The following SPAST variants were observed in gnomAD, a reference collection of about 807,000 sequenced individuals.
SPAST encodes the protein spastin.
Under a neutral mutation model 76.6 loss-of-function variants are expected in SPAST, and 30 were observed. That is an observed-to-expected ratio of 0.39 (90% CI 0.29 to 0.53). The LOEUF is 0.53. Among genes scored for constraint, SPAST ranks in the 20% least tolerant of loss-of-function variants. The pLI is 0.68. For missense variants in SPAST, 717 were observed against 770.5 expected (o/e 0.93, Z 0.82); for synonymous variants, 305 against 281.0 (o/e 1.09, Z -0.86).
chr2:32,125,092 TA>T (rs1679146147), intron 7 of SPAST, among the ~76,000 whole-genome samples: 1 of 152,180 alleles, frequency 6.6e-6, no homozygotes, highest in African/African-American at 2.4e-5. Flanking sequence ...TGTACTACAC[TA>T]ATACAAGATA....
intron 1 of SPAST, among the ~76,000 whole-genome samples, chr2:32,068,009 C>T (rs1176148060): frequency 6.8e-6 from 1 of 148,096 alleles, no homozygotes; most frequent in East Asian, 2.0e-4. Context: ...GACAGAGCCT[C>T]GCTTTGTCGC....
intron 9 of SPAST, among the ~76,000 whole-genome samples, chr2:32,131,423 CG>C (rs1349145316): frequency 6.6e-6 from 1 of 152,152 alleles, no homozygotes; most frequent in Non-Finnish European, 1.5e-5. Context: ...GGTCTCCATG[CG>C]GGCAGAGACT....
intron 2 of SPAST, among the ~76,000 whole-genome samples, chr2:32,089,224 G>A (rs1257051959): frequency 1.4e-5 from 1 of 71,434 alleles, no homozygotes; most frequent in Admixed American, 1.4e-4. Context: ...TTTTTAAGTA[G>A]AGACCAGATC....
intron 16 of SPAST, 66 bp from the exon 17 acceptor site, chr2:32,154,308 A>T (rs1489215193): frequency 1.4e-6 from 2 of 1,388,920 alleles, no homozygotes; most frequent in South Asian, 1.2e-5. Context: ...ACTTTAATCC[A>T]TCATTTCGTT....
At chr2:32,106,291 G>A (rs188253597) in intron 4 of SPAST, among the ~76,000 whole-genome samples, 202 of 152,324 alleles carry the variant, frequency 1.3e-3, no homozygotes, top group Non-Finnish European at 2.2e-3. Context: ...CTGGTGTGCC[G>A]TTTGCTAAGA....
At chr2:32,114,994 G>T (rs955488796) in intron 5 of SPAST, among the ~76,000 whole-genome samples, 169 bp downstream of exon 5, 1 of 146,202 alleles carries the variant, frequency 6.8e-6, no homozygotes, top group Non-Finnish European at 1.5e-5. Flanking sequence ...TGTTTTCCAG[G>T]CTGGAGTGCA....
At chr2:32,151,632 G>A (rs556672899) in intron 16 of SPAST, among the ~76,000 whole-genome samples, 5 of 152,090 alleles carry the variant, frequency 3.3e-5, no homozygotes, top group Admixed American at 6.6e-5. Flanking sequence ...CAACTTGGTC[G>A]CACACAGTGG....
chr2:32,110,116 TG>T (rs1380842767), intron 4 of SPAST, among the ~76,000 whole-genome samples: 41 of 144,796 alleles, frequency 2.8e-4, no homozygotes, highest in Non-Finnish European at 2.3e-4. Flanking sequence ...TTTTTTTTTT[TG>T]TTTTTTTTGT....
rs1179315140 is a variant in SPAST at position 32,063,635 on chromosome 2, G to A, written c.-197G>A. On this transcript the variant is annotated 5_prime_UTR_variant, in exon 1 of 17. Transcript: ENST00000315285. ...GGGCCCGAGCCACCGACTGCAGGAG[G>A]AGAAGGGGTTGTGCTCCTGGCCGAG... The A allele has an allele frequency of 3.1e-6, 2 of 643,174 alleles. No homozygotes were observed. Among genetic ancestry groups the A allele is most frequent in the East Asian group, 3.1e-5 (1 of 32,634 alleles). The allele number at this position is 643,174 out of a possible 1,614,324, so 39.8% of individuals were successfully genotyped here. A position where few individuals can be genotyped will look rare whatever the true frequency, so the allele number is the denominator to read the frequency against.
At position 32,116,114 on chromosome 2, in the gene SPAST, C is replaced by A. The variant is rs377123251; in HGVS notation, c.1005-5C>A. ...CGTAGAACTAACTGAGGTCTTGTTT[C>A]TTAGTGGAACAGCTGTTAAATTTGA... On this transcript the variant is annotated splice_region_variant and splice_polypyrimidine_tract_variant and intron_variant, in intron 6 of 16. Coordinates refer to ENST00000315285, the MANE Select transcript of SPAST (RefSeq NM_014946.4). 24 of 1,607,788 alleles carry A rather than the reference C, an allele frequency of 1.5e-5. No homozygotes were observed. The highest frequency in any genetic ancestry group is 1.9e-5 in the Non-Finnish European group (22 of 1,174,614).
intron 16 of SPAST, among the ~76,000 whole-genome samples, chr2:32,148,576 G>C (rs12996943): frequency 0.28 from 41,802 of 151,750 alleles, 6,160 homozygotes; most frequent in East Asian, 0.55. Flanking sequence ...TTGGGAGGCC[G>C]AGGCGGGCGG....
chr2:32,107,743 A>T (rs1678380673), intron 4 of SPAST, among the ~76,000 whole-genome samples: 1 of 152,138 alleles, frequency 6.6e-6, no homozygotes, highest in Non-Finnish European at 1.5e-5. Context: ...TCAACCCATA[A>T]TCTTTTCTTT....
chr2:32,096,666 TTC>T (rs1302668659), intron 3 of SPAST, among the ~76,000 whole-genome samples: 1 of 152,032 alleles, frequency 6.6e-6, no homozygotes, highest in African/African-American at 2.4e-5. Context: ...AGAATATAAT[TTC>T]TTTCTTTTTA....
chr2:32,140,791 AAAATT>A (rs957847148), intron 12 of SPAST, among the ~76,000 whole-genome samples: 4 of 140,566 alleles, frequency 2.8e-5, no homozygotes, highest in South Asian at 2.2e-4. Context: ...AAATTTTTAA[AAAATT>A]AAATTATTTT....
intron 4 of SPAST, among the ~76,000 whole-genome samples, 195 bp from the exon 5 acceptor site, chr2:32,114,443 A>T (rs1169618873): frequency 6.6e-6 from 1 of 152,054 alleles, no homozygotes; most frequent in Non-Finnish European, 1.5e-5. Context: ...AGGGGGAAAA[A>T]ACCTAATAAC....
chr2:32,064,257 G>C lies in SPAST; in HGVS notation c.415+11G>C. On this transcript the variant is annotated intron_variant, in intron 1 of 16. Transcript: ENST00000315285. ...ATGAGGATGAGAAAGGTAACTAGGG[G>C]GCTGGGGGAGGGGGCGGCGGCGCCG... 6.5e-7 allele frequency: 1 copy of C among 1,546,974 alleles called. No individual in the cohort carries two copies.
intron 9 of SPAST, 151 bp downstream of exon 9, chr2:32,128,630 A>ATGT: frequency 1.5e-6 from 1 of 661,622 alleles, no homozygotes; most frequent in Non-Finnish European, 2.7e-6. Flanking sequence ...CTATCTTCAG[A>ATGT]GTAGAAAGTT....
At chr2:32,089,245 G>T (rs1201820830) in intron 2 of SPAST, among the ~76,000 whole-genome samples, 2 of 127,600 alleles carry the variant, frequency 1.6e-5, no homozygotes, top group Admixed American at 8.8e-5. Context: ...TCTTTATGTT[G>T]CCCAGGCTGG....
intron 1 of SPAST, among the ~76,000 whole-genome samples, chr2:32,064,882 C>G (rs1166257520): frequency 6.6e-6 from 1 of 152,110 alleles, no homozygotes; most frequent in Non-Finnish European, 1.5e-5. Context: ...TCCAAAGTAG[C>G]CTTTAATTTC....
Sources: allele counts gnomAD v4.1 joint callset (sites outside exome capture counted in the v4.1 genomes callset), GRCh38; gene constraint gnomAD v4.1.1; transcripts MANE v1.5; gene names NCBI Gene and HGNC (gene_info 2026-07-23, HGNC 2026-07-21).